Variants in ADAM12 observed in about 807,000 individuals in gnomAD.
ADAM12 encodes ADAM metallopeptidase domain 12.
In ADAM12, 70 loss-of-function variants were observed where a neutral mutation model predicts 106.4. The observed-to-expected ratio is 0.66, with a 90% confidence interval of 0.54 to 0.80. The LOEUF (loss-of-function observed/expected upper bound fraction) is 0.80, where lower values mean the gene tolerates loss of function less well. Ranked by LOEUF, ADAM12 falls within the 30% of genes least tolerant of loss-of-function variation. The pLI, the probability that ADAM12 is intolerant of heterozygous loss-of-function variation, is 0.00. For missense variants in ADAM12, 1,010 were observed against 1,171.9 expected, an observed-to-expected ratio of 0.86 and a Z score of 2.02; for synonymous variants, 420 against 433.5, an observed-to-expected ratio of 0.97 and a Z score of 0.39.
chr10:126,381,753 C>T (rs1025449891), intron 1 of ADAM12, among the ~76,000 whole-genome samples: 7 of 151,998 alleles, frequency 4.6e-5, no homozygotes, highest in African/African-American at 9.7e-5. Flanking sequence ...CCATCTGCTT[C>T]GGCCTCCCAA....
At chr10:126,359,533 G>T (rs960447795) in intron 1 of ADAM12, among the ~76,000 whole-genome samples, 5 of 152,172 alleles carry the variant, frequency 3.3e-5, no homozygotes, top group Non-Finnish European at 5.9e-5. Flanking sequence ...TCAAAATCCA[G>T]CAGGGCAGTC....
intron 1 of ADAM12, among the ~76,000 whole-genome samples, chr10:126,371,370 T>C (rs1052908378): frequency 1.3e-5 from 2 of 152,374 alleles, no homozygotes; most frequent in African/African-American, 4.8e-5. Context: ...GATCATGCAC[T>C]GAACTGAGTA....
intron 2 of ADAM12, among the ~76,000 whole-genome samples, chr10:126,288,022 G>T (rs555391751): frequency 6.6e-6 from 1 of 151,826 alleles, no homozygotes; most frequent in South Asian, 2.1e-4. Context: ...TAACTGGGGG[G>T]CGGAGAGGAG....
intron 3 of ADAM12, among the ~76,000 whole-genome samples, chr10:126,276,931 G>A (rs1434706416): frequency 6.6e-6 from 1 of 152,078 alleles, no homozygotes; most frequent in Non-Finnish European, 1.5e-5. Flanking sequence ...ATTTTCAGGG[G>A]GAACCATGGA....
intron 1 of ADAM12, among the ~76,000 whole-genome samples, chr10:126,387,429 A>AGG: frequency 1.1e-5 from 1 of 88,868 alleles, no homozygotes; most frequent in Non-Finnish European, 2.9e-5. Flanking sequence ...GAATTCCGCT[A>AGG]AAGTTTGCCT....
chr10:126,226,463 A>G (rs868362620), intron 3 of ADAM12, among the ~76,000 whole-genome samples: 3 of 152,186 alleles, frequency 2.0e-5, no homozygotes, highest in South Asian at 2.1e-4. Context: ...CATGCATGCA[A>G]TGGTGGCGCT....
intron 9 of ADAM12, 29 bp downstream of exon 9, chr10:126,101,043 T>C: frequency 6.2e-7 from 1 of 1,610,296 alleles, no homozygotes; most frequent in Non-Finnish European, 8.5e-7. Context: ...CTCCTTTTTT[T>C]TTTAAGCAGA....
chr10:126,184,786 C>T (rs1957370733), intron 3 of ADAM12, among the ~76,000 whole-genome samples: 1 of 152,184 alleles, frequency 6.6e-6, no homozygotes, highest in Non-Finnish European at 1.5e-5. Flanking sequence ...CAAGATCCAC[C>T]TGAGAGGACC....
intron 2 of ADAM12, among the ~76,000 whole-genome samples, chr10:126,307,268 A>G (rs1467518002): frequency 6.6e-6 from 1 of 152,180 alleles, no homozygotes; most frequent in East Asian, 1.9e-4. Flanking sequence ...TTACCACACC[A>G]ATGCTAATTA....
In ADAM12 at chr10:126,107,633, T is replaced by G. The variant is rs553388238; in HGVS notation, c.741+960A>C. On this transcript the variant is annotated intron_variant, in intron 8 of 22. Coordinates refer to ENST00000448723, the MANE Select transcript of ADAM12 (RefSeq NM_001288973.2). ...AAGGCTCAGCCATGACCAGATCCCTTCTCACACTGTCCCCACAGGCAAGAG... is the reference window on the plus strand; with the variant it reads ...AAGGCTCAGCCATGACCAGATCCCTGCTCACACTGTCCCCACAGGCAAGAG... Among the ~76,000 whole-genome samples the G allele has an allele frequency of 2.0e-5, 3 of 152,318 alleles. No individual in the cohort carries two copies. In the South Asian group the frequency reaches 6.2e-4, roughly 32 times the overall value.
intron 12 of ADAM12, among the ~76,000 whole-genome samples, chr10:126,071,236 G>T (rs907962276): frequency 7.9e-5 from 12 of 152,144 alleles, no homozygotes; most frequent in Admixed American, 4.6e-4. Flanking sequence ...TGCTGAGAAT[G>T]CTGTACCCTT....
intron 3 of ADAM12, among the ~76,000 whole-genome samples, chr10:126,175,446 T>C (rs893732730): frequency 4.7e-5 from 7 of 150,438 alleles, no homozygotes; most frequent in Non-Finnish European, 1.0e-4. Flanking sequence ...ACGAGACTTC[T>C]ACAGGTTTTA....
chr10:126,084,694 C>A (rs934325958), intron 11 of ADAM12, among the ~76,000 whole-genome samples: 2 of 152,180 alleles, frequency 1.3e-5, no homozygotes, highest in Non-Finnish European at 2.9e-5. Flanking sequence ...CCCCACTGAG[C>A]AACTGACACT....
At chr10:126,212,337 A>G (rs888939800) in intron 3 of ADAM12, among the ~76,000 whole-genome samples, 10 of 152,238 alleles carry the variant, frequency 6.6e-5, no homozygotes, top group African/African-American at 9.6e-5. Flanking sequence ...AATAATGATC[A>G]TGATGCTGTC....
chr10:126,135,641 C>T lies in ADAM12; in HGVS notation c.359G>A (p.Gly120Glu), dbSNP rs751757189. ...RNYTGHCYYH[G>E]HVRGYSDSAV... ...TGAATCAGAATATCCCCGTACATGT[C>T]CATGGTAGTAACAGTGACCCTAAAG... The change falls in exon 5 of 23, where the codon GGA becomes GAA. Residue 120 changes from glycine (G) to glutamate (E), a missense_variant. Physicochemically the swap from Gly to Glu is moderately conservative, Grantham distance 98. Coordinates refer to ENST00000448723, the MANE Select transcript of ADAM12 (RefSeq NM_001288973.2). The T allele has an allele frequency of 6.2e-7, 1 of 1,614,206 alleles. No homozygotes were observed. The highest frequency in any genetic ancestry group is 1.1e-5 in the South Asian group (1 of 91,088).
intron 9 of ADAM12, among the ~76,000 whole-genome samples, chr10:126,100,097 T>C (rs141815332): frequency 8.1e-4 from 124 of 152,284 alleles, no homozygotes; most frequent in African/African-American, 2.8e-3. Flanking sequence ...GTCCTCTTTA[T>C]TGTTGTCTCT....
intron 2 of ADAM12, among the ~76,000 whole-genome samples, chr10:126,304,042 A>G (rs1162468243): frequency 2.0e-5 from 3 of 152,168 alleles, no homozygotes; most frequent in Non-Finnish European, 2.9e-5. Context: ...TGTCTCTCCT[A>G]TGCATTTAGA....
intron 3 of ADAM12, among the ~76,000 whole-genome samples, chr10:126,250,513 A>T (rs965885463): frequency 2.6e-5 from 4 of 152,242 alleles, no homozygotes; most frequent in Non-Finnish European, 5.9e-5. Flanking sequence ...GCCTTTAAAA[A>T]TAATTTTTAA....
intron 11 of ADAM12, among the ~76,000 whole-genome samples, chr10:126,091,537 A>C (rs1008070232): frequency 6.6e-6 from 1 of 152,268 alleles, no homozygotes; most frequent in African/African-American, 2.4e-5. Flanking sequence ...CAAGCTCAGC[A>C]AAAGAGAAAA....
Sources: allele counts gnomAD v4.1 joint callset (sites outside exome capture counted in the v4.1 genomes callset), GRCh38; gene constraint gnomAD v4.1.1; transcripts MANE v1.5; gene names NCBI Gene and HGNC (gene_info 2026-07-23, HGNC 2026-07-21).